NINJ2: variants seen among roughly 807,000 people sequenced by gnomAD.
The protein encoded by NINJ2 is ninjurin-2.
A neutral mutation model predicts 11.7 loss-of-function variants in NINJ2; 12 were observed. The ratio of observed to expected loss-of-function variants is 1.02; its 90% CI spans 0.66 to 1.66. The LOEUF is 1.66. Ranked by LOEUF, NINJ2 falls within the 40% of genes most tolerant of loss-of-function variation. NINJ2 has a pLI of 0.00. For synonymous variants in NINJ2, 93 were observed against 76.8 expected, an observed-to-expected ratio of 1.21 and a Z score of -1.10; for missense variants, 187 against 181.8, an observed-to-expected ratio of 1.03 and a Z score of -0.16.
chr12:592,801 T>C (rs1369647522), intron 1 of NINJ2, among the ~76,000 whole-genome samples: 1 of 152,204 alleles, frequency 6.6e-6, no homozygotes, highest in African/African-American at 2.4e-5. Flanking sequence ...CAGGGATAAA[T>C]ACTGTCATTA....
intron 1 of NINJ2, among the ~76,000 whole-genome samples, chr12:604,022 G>A (rs376351520): frequency 1.2e-4 from 19 of 152,252 alleles, no homozygotes; most frequent in Admixed American, 7.8e-4. Flanking sequence ...CTGTCCTTAC[G>A]CCAGCATCAC....
chr12:635,832 C>T (rs1468055970), intron 1 of NINJ2, among the ~76,000 whole-genome samples: 16 of 152,180 alleles, frequency 1.1e-4, no homozygotes, highest in Admixed American at 7.9e-4. Flanking sequence ...CCCAGCACTT[C>T]GGGAGGCCGA....
chr12:658,835 G>A (rs981694302), intron 1 of NINJ2, among the ~76,000 whole-genome samples: 5 of 151,758 alleles, frequency 3.3e-5, no homozygotes, highest in African/African-American at 9.7e-5. Flanking sequence ...GTAGACTTTG[G>A]GTCATAATGA....
At chr12:658,783 G>A (rs149962011) in intron 1 of NINJ2, among the ~76,000 whole-genome samples, 95 of 151,940 alleles carry the variant, frequency 6.3e-4, no homozygotes, top group African/African-American at 2.2e-3. Flanking sequence ...ATGTTATTAC[G>A]CATAGAATGT....
chr12:620,153 G>C (rs1214201512), intron 1 of NINJ2, among the ~76,000 whole-genome samples: 2 of 152,234 alleles, frequency 1.3e-5, no homozygotes, highest in Non-Finnish European at 2.9e-5. Context: ...GGCAGTATGG[G>C]AGTGGGAAAC....
In NINJ2 at chr12:614,682, G is replaced by A. The variant is rs1445897858; in HGVS notation, c.34-48504C>T. Among the ~76,000 whole-genome samples the A allele has an allele frequency of 2.0e-5, 3 of 152,084 alleles. No individual in the cohort carries two copies. Among genetic ancestry groups the A allele is most frequent in the African/African-American group, 4.8e-5 (2 of 41,394 alleles). ...CTTATCCAGAGAAGTCACTTAGTTA[G>A]CTCATTTTTTTTTCCTCCAAAGAAG... On this transcript the variant is annotated intron_variant, in intron 1 of 3. Transcript: ENST00000305108. This position sits in a 1 kb window ranked among gnomAD's most constrained non-coding sequence, Gnocchi z 5.1.
chr12:647,416 G>C (rs1937703338), intron 1 of NINJ2, among the ~76,000 whole-genome samples: 1 of 139,392 alleles, frequency 7.2e-6, no homozygotes, highest in Non-Finnish European at 1.6e-5. Flanking sequence ...TAGTAGCACT[G>C]ACAGTGTGGT....
intron 1 of NINJ2, among the ~76,000 whole-genome samples, chr12:615,818 C>T (rs983558553): frequency 3.9e-5 from 6 of 152,194 alleles, no homozygotes; most frequent in Non-Finnish European, 8.8e-5. Context: ...GTGCCTCACA[C>T]GACTTCACAT....
rs1322050984 is a variant in NINJ2 at position 640,799 on chromosome 12, CA to C, written c.33+22528del. ...AGGTGTGAATCATTGTGCTAGGCCA[CA>C]TTTTTTTTTAATTGTTCTGTTTGTG... On this transcript the variant is annotated intron_variant, in intron 1 of 3. Coordinates refer to ENST00000305108, the MANE Select transcript of NINJ2 (RefSeq NM_016533.6). The surrounding 1 kb of genome is among the most constrained non-coding windows in gnomAD (Gnocchi z 4.0). 3 of 152,484 alleles carry C rather than the reference CA, an allele frequency of 2.0e-5. No homozygotes were observed. Among genetic ancestry groups the C allele is most frequent in the Non-Finnish European group, 4.4e-5 (3 of 68,366 alleles). 9.4% of individuals were successfully genotyped at this position (152,484 alleles called of 1,614,324 possible). A position where few individuals can be genotyped will look rare whatever the true frequency, so the allele number is the denominator to read the frequency against.
At chr12:656,470 G>T (rs544172058) in intron 1 of NINJ2, among the ~76,000 whole-genome samples, 1 of 151,988 alleles carries the variant, frequency 6.6e-6, no homozygotes, top group Non-Finnish European at 1.5e-5. Flanking sequence ...CTGTAAAGCG[G>T]CCAGGCATGG....
chr12:649,553 A>ATATATATATAT (rs1592118209), intron 1 of NINJ2, among the ~76,000 whole-genome samples: 12 of 146,396 alleles, frequency 8.2e-5, no homozygotes, highest in African/African-American at 2.0e-4. Context: ...ATATATATAT[A>ATATATATATAT]GTAGCCCATG....
chr12:629,896 A>T lies in NINJ2; in HGVS notation c.33+33432T>A, dbSNP rs12425926. On this transcript the variant is annotated intron_variant, in intron 1 of 3. Coordinates refer to ENST00000305108, the MANE Select transcript of NINJ2 (RefSeq NM_016533.6). ...GAGCAAAACTCAAAAAAAAAAAAAA[A>T]ATATATATATATATATATATATATA... Among the ~76,000 whole-genome samples the T allele has an allele frequency of 1.7e-3, 17 of 9,902 alleles. 2 individuals are homozygous for T. The highest frequency in any genetic ancestry group is 2.9e-3 in the Admixed American group (1 of 350). The allele number at this position is 9,902 out of a possible 152,430, so 6.5% of individuals were successfully genotyped here.
chr12:635,428 C>T (rs1948339306), intron 1 of NINJ2, among the ~76,000 whole-genome samples: 1 of 152,158 alleles, frequency 6.6e-6, no homozygotes, highest in Non-Finnish European at 1.5e-5. Context: ...TAAACCCTTG[C>T]CTATATGGTA....
At chr12:629,896 A>AAAAAAAAAAAATATATAT in intron 1 of NINJ2, among the ~76,000 whole-genome samples, 5 of 9,904 alleles carry the variant, frequency 5.0e-4, no homozygotes, top group Non-Finnish European at 9.4e-4. Flanking sequence ...AAAAAAAAAA[A>AAAAAAAAAAAATATATAT]ATATATATAT....
chr12:608,928 G>A (rs1947975686), intron 1 of NINJ2, among the ~76,000 whole-genome samples: 2 of 152,246 alleles, frequency 1.3e-5, no homozygotes, highest in Non-Finnish European at 2.9e-5. Flanking sequence ...AATGTGGAAA[G>A]TGGACCAGGT....
At chr12:654,503 A>C (rs1320661400) in intron 1 of NINJ2, among the ~76,000 whole-genome samples, 1 of 150,620 alleles carries the variant, frequency 6.6e-6, no homozygotes, top group Non-Finnish European at 1.5e-5. Context: ...CTTAGGCAAC[A>C]AGAGTGAAAC....
At chr12:616,625 C>T (rs1243856229) in intron 1 of NINJ2, among the ~76,000 whole-genome samples, 1 of 152,186 alleles carries the variant, frequency 6.6e-6, no homozygotes, top group African/African-American at 2.4e-5. Context: ...GGAAAGAGGC[C>T]ACGATGCCAA....
At chr12:567,544 T>C (rs1055247309) in intron 1 of NINJ2, among the ~76,000 whole-genome samples, 4 of 152,128 alleles carry the variant, frequency 2.6e-5, no homozygotes, top group African/African-American at 9.7e-5. Flanking sequence ...GATGATTGGA[T>C]AGGCAGGTCT....
intron 1 of NINJ2, among the ~76,000 whole-genome samples, chr12:608,377 T>C (rs1222725657): frequency 6.6e-6 from 1 of 152,238 alleles, no homozygotes; most frequent in Admixed American, 6.5e-5. Flanking sequence ...TAGCGAACAC[T>C]TAATAATGTG....
Sources: allele counts gnomAD v4.1 joint callset (sites outside exome capture counted in the v4.1 genomes callset), GRCh38; gene constraint gnomAD v4.1.1; non-coding constraint Gnocchi (gnomAD v3.1); transcripts MANE v1.5; gene names NCBI Gene and HGNC (gene_info 2026-07-23, HGNC 2026-07-21).